The following ZFPM1 variants were observed in gnomAD, a reference collection of about 807,000 sequenced individuals.
The protein encoded by ZFPM1 is zinc finger protein, FOG family member 1, also known as zinc finger protein ZFPM1.
A neutral mutation model predicts 46.3 loss-of-function variants in ZFPM1; 28 were observed. The ratio of observed to expected loss-of-function variants is 0.60; its 90% CI spans 0.45 to 0.83. The LOEUF (loss-of-function observed/expected upper bound fraction) is 0.83. Ranked by LOEUF, ZFPM1 falls within the 40% of genes least tolerant of loss-of-function variation. The pLI is 0.00. For missense variants in ZFPM1, 1,878 were observed against 1,432.4 expected (o/e 1.31, Z -5.02); for synonymous variants, 957 against 675.9 (o/e 1.42, Z -6.45).
intron 1 of ZFPM1, among the ~76,000 whole-genome samples, chr16:88,463,170 C>T (rs1431723196): frequency 6.6e-6 from 1 of 152,232 alleles, no homozygotes; most frequent in African/African-American, 2.4e-5. Flanking sequence ...GCCAGGTGGT[C>T]GTGGCTCCTT....
At position 88,467,824 on chromosome 16, in the gene ZFPM1, C is replaced by G. The variant is rs564657209; in HGVS notation, c.40+14146C>G. 2.0e-5 allele frequency among the ~76,000 whole-genome samples: 3 copies of G among 152,132 alleles called. No individual in the cohort carries two copies. The East Asian group carries it at 5.8e-4, about 29-fold the overall frequency. Reference sequence around the variant, plus strand: ...TGTTTTCTACTCTACCACCCTACAACGAAAAAGAAGAAAAGAGAACTTGAT... The same window carrying G: ...TGTTTTCTACTCTACCACCCTACAAGGAAAAAGAAGAAAAGAGAACTTGAT... On this transcript the variant is annotated intron_variant, in intron 1 of 9. Coordinates refer to ENST00000319555, the MANE Select transcript of ZFPM1 (RefSeq NM_153813.3).
rs549735568 is a variant in ZFPM1, at chr16:88,473,415, C to T, written c.41-12524C>T. 1.3e-4 allele frequency among the ~76,000 whole-genome samples: 20 copies of T among 152,362 alleles called. No homozygotes were observed. The South Asian group carries it at 3.9e-3, about 30-fold the overall frequency. ...GATGAGGGGCCCCTCTCACCATGGC[C>T]TTGAGGGCGGGGTGAGGTGAACCCA... On this transcript the variant is annotated intron_variant, in intron 1 of 9. Coordinates refer to ENST00000319555, the MANE Select transcript of ZFPM1 (RefSeq NM_153813.3).
At chr16:88,529,151 GC>G (rs1283975631) in intron 6 of ZFPM1, among the ~76,000 whole-genome samples, 1 of 151,876 alleles carries the variant, frequency 6.6e-6, no homozygotes, top group Non-Finnish European at 1.5e-5. Flanking sequence ...GTGATGGTGC[GC>G]CCCGTGCACC....
chr16:88,523,368 G>A (rs752357064), intron 4 of ZFPM1, among the ~76,000 whole-genome samples: 15 of 152,176 alleles, frequency 9.9e-5, no homozygotes, highest in South Asian at 8.3e-4. Flanking sequence ...AGGCAGACCC[G>A]TGCCCGGCCA....
Position 88,455,681 on chromosome 16 carries a change from G to T in ZFPM1, c.40+2003G>T, listed in dbSNP as rs188263255. Among the ~76,000 whole-genome samples, 547 of 152,224 alleles carry T rather than the reference G, an allele frequency of 3.6e-3. 3 individuals carry two copies. The highest frequency in any genetic ancestry group is 0.013 in the African/African-American group (527 of 41,556). On this transcript the variant is annotated intron_variant, in intron 1 of 9. Transcript: ENST00000319555. ...GGCGCAGCTGCCCGCGCCTCTGTGC[G>T]CCTTTTGTTCCGTGCGGAGATAGAT... is the stretch of plus-strand genomic sequence containing the variant.
Position 88,534,878 on chromosome 16 carries a change from C to T in ZFPM1, c.2920C>T (p.Arg974Trp), listed in dbSNP as rs758836545. 1 of 1,568,634 alleles carries T rather than the reference C, an allele frequency of 6.4e-7. No homozygotes were observed. ...GGCGCCGCTGCCCAACGGCAACCAC[C>T]GGTACTGCCGTCTTTGCAACATCAA... ...TPAPLPNGNH[R>W]YCRLCNIKFS... Residue 974 changes from arginine (R) to tryptophan (W), a missense_variant, in exon 10 of 10, where the codon CGG becomes TGG. By Grantham distance (101) the Arg-to-Trp change is moderately radical. Transcript: ENST00000319555.
chr16:88,476,154 C>T (rs560317472), intron 1 of ZFPM1, among the ~76,000 whole-genome samples: 13 of 152,064 alleles, frequency 8.5e-5, no homozygotes, highest in Non-Finnish European at 1.3e-4. Context: ...AGGTGGGACT[C>T]AGCCTGGCTC....
chr16:88,518,740 GAT>G (rs1911541557), intron 4 of ZFPM1, among the ~76,000 whole-genome samples: 2 of 62,706 alleles, frequency 3.2e-5, no homozygotes, highest in South Asian at 4.2e-4. Context: ...TGAGAGGGTG[GAT>G]GGATGGATGG....
chr16:88,488,567 G>A (rs1003082452), intron 2 of ZFPM1, among the ~76,000 whole-genome samples: 2 of 152,014 alleles, frequency 1.3e-5, no homozygotes, highest in Admixed American at 6.5e-5. Flanking sequence ...CTGTAGACAC[G>A]TGACGTCATG....
At chr16:88,453,927 G>T (rs1907413248) in intron 1 of ZFPM1, among the ~76,000 whole-genome samples, 2 of 152,074 alleles carry the variant, frequency 1.3e-5, no homozygotes, top group African/African-American at 4.8e-5. Context: ...GGAGGAGGGT[G>T]TTTGGGGGCG....
At chr16:88,464,674 C>G (rs962299775) in intron 1 of ZFPM1, among the ~76,000 whole-genome samples, 1 of 152,284 alleles carries the variant, frequency 6.6e-6, no homozygotes, top group East Asian at 1.9e-4. Flanking sequence ...CGATCATTCC[C>G]ATACCCTTCC....
chr16:88,534,536 C>G lies in ZFPM1; in HGVS notation c.2578C>G (p.Pro860Ala), dbSNP rs753742076. The change falls in exon 10 of 10, where the codon CCC becomes GCC. Residue 860 changes from proline to alanine, a missense_variant. Transcript: ENST00000319555. ...GLPAAACPYC[P>A]PNGPVRGDLL... ...GCCCGCCGCCGCCTGCCCCTACTGC[C>G]CCCCGAACGGCCCGGTGCGCGGGGA... The G allele has an allele frequency of 1.5e-4, 205 of 1,394,632 alleles. 2 individuals are homozygous for G. In the South Asian group the frequency reaches 2.8e-3, roughly 19 times the overall value. The allele number at this position is 1,394,632 out of a possible 1,614,324, so 86.4% of individuals were successfully genotyped here. A position where few individuals can be genotyped will look rare whatever the true frequency, so the allele number is the denominator to read the frequency against.
chr16:88,514,620 G>A, intron 4 of ZFPM1, 100 bp downstream of exon 4: 3 of 1,387,472 alleles, frequency 2.2e-6, no homozygotes, highest in Non-Finnish European at 2.9e-6. Context: ...CGGGGCTCTG[G>A]CCACTTGAAG....
Position 88,471,408 on chromosome 16 carries a change from C to T in ZFPM1, c.41-14531C>T, listed in dbSNP as rs1212040086. Among the ~76,000 whole-genome samples the T allele has an allele frequency of 2.0e-5, 3 of 150,904 alleles. No individual in the cohort carries two copies. Among genetic ancestry groups the T allele is most frequent in the Non-Finnish European group, 4.4e-5 (3 of 68,016 alleles). On this transcript the variant is annotated intron_variant, in intron 1 of 9. Coordinates refer to ENST00000319555, the MANE Select transcript of ZFPM1 (RefSeq NM_153813.3). This position sits in a 1 kb window ranked among gnomAD's most constrained non-coding sequence, Gnocchi z 4.1. The stretch of plus-strand genomic sequence containing the variant: ...ATGACCGTGCCCACAGTGGCTCCCA[C>T]GCATAGTGGGGGGGCCAAGACCCCA...
intron 3 of ZFPM1, chr16:88,513,038 G>C (rs568846438): frequency 6.6e-6 from 1 of 152,404 alleles, no homozygotes; most frequent in East Asian, 1.9e-4. Flanking sequence ...CGGGGTGCTA[G>C]CTGGCCCGTG....
intron 2 of ZFPM1, among the ~76,000 whole-genome samples, chr16:88,487,470 C>T (rs1005039450): frequency 1.3e-5 from 2 of 152,140 alleles, no homozygotes; most frequent in African/African-American, 4.8e-5. Context: ...GTGGGGCTGC[C>T]CCTGACGGGC....
chr16:88,492,871 C>G (rs145771460), intron 3 of ZFPM1, among the ~76,000 whole-genome samples: 1 of 152,194 alleles, frequency 6.6e-6, no homozygotes, highest in Non-Finnish European at 1.5e-5. Flanking sequence ...CCCCAACACC[C>G]GCTGCACACA....
Position 88,534,054 on chromosome 16 carries a change from C to T in ZFPM1, c.2096C>T (p.Thr699Ile), listed in dbSNP as rs1913047035. ...NIRFSRHETY[T>I]VHKRYYCASR... ...CGCTTCAGCCGCCACGAGACCTACA[C>T]CGTGCACAAGCGGTACTACTGCGCC... Residue 699 changes from threonine (T) to isoleucine (I), a missense_variant, in exon 10 of 10, where the codon ACC becomes ATC. Physicochemically the swap from Thr to Ile is moderately conservative, Grantham distance 89 (BLOSUM62 -1). Transcript: ENST00000319555. 6 of 1,329,424 alleles carry T rather than the reference C, an allele frequency of 4.5e-6. No homozygotes were observed. The highest frequency in any genetic ancestry group is 4.8e-5 in the Admixed American group (2 of 41,794). 82.4% of individuals were successfully genotyped at this position (1,329,424 alleles called of 1,614,324 possible). A position where few individuals can be genotyped will look rare whatever the true frequency, so the allele number is the denominator to read the frequency against.
At chr16:88,522,974 G>A (rs1427913578) in intron 4 of ZFPM1, among the ~76,000 whole-genome samples, 1 of 152,150 alleles carries the variant, frequency 6.6e-6, no homozygotes, top group Non-Finnish European at 1.5e-5. Flanking sequence ...GGGAGGCCAA[G>A]GCGGGCAGAT....
Sources: allele counts gnomAD v4.1 joint callset (sites outside exome capture counted in the v4.1 genomes callset), GRCh38; gene constraint gnomAD v4.1.1; non-coding constraint Gnocchi (gnomAD v3.1); transcripts MANE v1.5; gene names NCBI Gene and HGNC (gene_info 2026-07-23, HGNC 2026-07-21).